Variants in ADORA2B observed in about 807,000 individuals in gnomAD.
ADORA2B encodes the protein adenosine A2b receptor, also known as adenosine receptor A2b.
A neutral mutation model predicts 20.8 loss-of-function variants in ADORA2B; 18 were observed. That is an observed-to-expected ratio of 0.87 (90% CI 0.60 to 1.29). The LOEUF (loss-of-function observed/expected upper bound fraction) is 1.29, where lower values mean the gene tolerates loss of function less well. ADORA2B is among the 50% of genes most tolerant of loss of function. The pLI is 0.00. For synonymous variants in ADORA2B, 179 were observed against 178.3 expected (o/e 1.00, Z -0.03); for missense variants, 441 against 422.7 (o/e 1.04, Z -0.38).
chr17:15,930,383 G>T, the ADORA2B span, among the ~76,000 whole-genome samples: 1 of 149,740 alleles, frequency 6.7e-6, no homozygotes, highest in Admixed American at 6.7e-5. Flanking sequence ...TGCAGCCTCC[G>T]CCTCCCAGGC....
chr17:15,853,558 A>C, the ADORA2B span, among the ~76,000 whole-genome samples: 10 of 152,222 alleles, frequency 6.6e-5, no homozygotes, highest in Non-Finnish European at 1.2e-4. Context: ...CTACTCTATA[A>C]ATTAGAAAAT....
At chr17:15,859,658 T>C in the ADORA2B span, among the ~76,000 whole-genome samples, 198 of 152,170 alleles carry the variant, frequency 1.3e-3, no homozygotes, top group African/African-American at 4.6e-3. Flanking sequence ...TTACGAAATA[T>C]CATCTGACCA....
At chr17:15,906,852 A>T in the ADORA2B span, among the ~76,000 whole-genome samples, 6 of 152,334 alleles carry the variant, frequency 3.9e-5, no homozygotes, top group East Asian at 9.6e-4. Context: ...CTCAAATGTG[A>T]TGTTAACAAT....
chr17:15,871,464 A>AGCAAGGCTGCTT, the ADORA2B span, among the ~76,000 whole-genome samples: 212 of 152,314 alleles, frequency 1.4e-3, 1 homozygote, highest in Admixed American at 4.4e-3. Flanking sequence ...GGCTCTCCTT[A>AGCAAGGCTGCTT]GCAAGGCTGC....
At chr17:15,961,145 C>A (rs1970033890) in intron 1 of ADORA2B, among the ~76,000 whole-genome samples, 1 of 144,072 alleles carries the variant, frequency 6.9e-6, no homozygotes, top group Non-Finnish European at 1.5e-5. Context: ...CCAGCCTTGG[C>A]AACAGAGCGA....
At chr17:15,851,745 A>T in the ADORA2B span, among the ~76,000 whole-genome samples, 2 of 152,228 alleles carry the variant, frequency 1.3e-5, no homozygotes, top group Admixed American at 6.5e-5. Flanking sequence ...AGAGACAAGG[A>T]TGGAATCAAG....
rs111880247 is a variant in ADORA2B, at chr17:15,949,454, C to T, written c.335+3871C>T. Among the ~76,000 whole-genome samples the T allele has an allele frequency of 8.0e-5, 12 of 150,572 alleles. 1 individual carries two copies. Among genetic ancestry groups the T allele is most frequent in the African/African-American group, 2.0e-4 (8 of 40,934 alleles). On this transcript the variant is annotated intron_variant, in intron 1 of 1. Transcript: ENST00000304222. ...CTTGAACCCAAGAGACAGAGGTTGC[C>T]GTGAGCCAGGATCACACCGCTGCAC...
the ADORA2B span, among the ~76,000 whole-genome samples, chr17:15,863,085 T>C: frequency 3.3e-5 from 5 of 152,252 alleles, no homozygotes; most frequent in Admixed American, 2.6e-4. Flanking sequence ...TTGTCCTGTT[T>C]ATGTGCGCGA....
chr17:15,876,927 C>G, the ADORA2B span, among the ~76,000 whole-genome samples: 2 of 152,136 alleles, frequency 1.3e-5, no homozygotes, highest in African/African-American at 2.4e-5. Context: ...TTCCCCTTGT[C>G]CCCCAGCCAC....
the ADORA2B span, among the ~76,000 whole-genome samples, chr17:15,907,037 C>G: frequency 2.0e-5 from 3 of 152,118 alleles, no homozygotes; most frequent in African/African-American, 4.8e-5. Context: ...CCTTCTTTGC[C>G]CAGAGCTCAT....
chr17:15,949,221 T>A (rs552363924), intron 1 of ADORA2B, among the ~76,000 whole-genome samples: 2 of 147,216 alleles, frequency 1.4e-5, no homozygotes, highest in Admixed American at 6.8e-5. Context: ...AAAAAAAAAA[T>A]TGAGCTATAG....
At chr17:15,925,841 T>C in the ADORA2B span, among the ~76,000 whole-genome samples, 1 of 152,112 alleles carries the variant, frequency 6.6e-6, no homozygotes, top group East Asian at 1.9e-4. Context: ...TGTGGTGGTG[T>C]GTGCCTATAA....
At chr17:15,917,453 A>G in the ADORA2B span, among the ~76,000 whole-genome samples, 1 of 152,200 alleles carries the variant, frequency 6.6e-6, no homozygotes, top group East Asian at 1.9e-4. Context: ...AAATCTCCTC[A>G]GGGCTGCGGC....
the ADORA2B span, among the ~76,000 whole-genome samples, chr17:15,915,847 A>C: frequency 6.6e-6 from 1 of 152,300 alleles, no homozygotes; most frequent in African/African-American, 2.4e-5. Flanking sequence ...CACCAACCCA[A>C]ATACTAATCT....
At position 15,957,877 on chromosome 17, in the gene ADORA2B, A is replaced by G. The variant is rs954645162; in HGVS notation, c.335+12294A>G. Among the ~76,000 whole-genome samples the G allele has an allele frequency of 6.0e-5, 9 of 150,636 alleles. No individual in the cohort carries two copies. The South Asian group carries it at 1.7e-3, about 28-fold the overall frequency. The stretch of plus-strand genomic sequence containing the variant: ...GACTTCCCAAAGCAGCTTTCTGTCT[A>G]TGACATCCTGATTTCCACTGCTGAT... On this transcript the variant is annotated intron_variant, in intron 1 of 1. Coordinates refer to ENST00000304222, the MANE Select transcript of ADORA2B (RefSeq NM_000676.4).
chr17:15,907,795 C>T, the ADORA2B span, among the ~76,000 whole-genome samples: 2 of 152,182 alleles, frequency 1.3e-5, no homozygotes, highest in Non-Finnish European at 1.5e-5. Flanking sequence ...GGGACTAGTT[C>T]GACAGAAGAA....
At chr17:15,907,762 C>T in the ADORA2B span, among the ~76,000 whole-genome samples, 2 of 152,022 alleles carry the variant, frequency 1.3e-5, no homozygotes, top group African/African-American at 4.8e-5. Flanking sequence ...CATGATAATC[C>T]CACTCTTAGT....
At chr17:15,878,223 A>C in the ADORA2B span, among the ~76,000 whole-genome samples, 1 of 147,902 alleles carries the variant, frequency 6.8e-6, no homozygotes, top group Admixed American at 6.7e-5. Context: ...ACATTATATA[A>C]ATACACATAC....
the ADORA2B span, among the ~76,000 whole-genome samples, chr17:15,924,804 C>G: frequency 2.6e-5 from 4 of 151,828 alleles, no homozygotes; most frequent in Non-Finnish European, 5.9e-5. Context: ...CTGTTACTAT[C>G]CTTTCCCTGT....
Sources: allele counts gnomAD v4.1 joint callset (sites outside exome capture counted in the v4.1 genomes callset), GRCh38; gene constraint gnomAD v4.1.1; transcripts MANE v1.5; gene names NCBI Gene and HGNC (gene_info 2026-07-23, HGNC 2026-07-21).